Variants in CORIN observed in about 807,000 individuals in gnomAD.
The protein encoded by CORIN is corin, serine peptidase.
In CORIN, 117 loss-of-function variants were observed where a neutral mutation model predicts 125.3. That is an observed-to-expected ratio of 0.93 (90% CI 0.80 to 1.09). The LOEUF (loss-of-function observed/expected upper bound fraction) is 1.09, where lower values mean the gene tolerates loss of function less well. CORIN is among the 50% of genes least tolerant of loss of function. The probability of loss-of-function intolerance (pLI) is 0.00; values close to 1 mark genes in which losing one functional copy is unlikely to be tolerated. For missense variants in CORIN, 1,253 were observed against 1,306.7 expected (o/e 0.96, Z 0.63); for synonymous variants, 450 against 466.4 (o/e 0.96, Z 0.45).
chr4:47,721,357 C>A (rs1000788015), intron 5 of CORIN, among the ~76,000 whole-genome samples: 2 of 152,036 alleles, frequency 1.3e-5, no homozygotes, highest in African/African-American at 4.8e-5. Context: ...GCAACCTCCA[C>A]CTCCTGGGTT....
intron 3 of CORIN, among the ~76,000 whole-genome samples, chr4:47,772,360 C>A (rs1278339745): frequency 6.6e-6 from 1 of 152,096 alleles, no homozygotes; most frequent in Non-Finnish European, 1.5e-5. Context: ...GTGAAGGTAG[C>A]GGATTTCTTT....
intron 5 of CORIN, 47 bp downstream of exon 5, chr4:47,744,355 T>G (rs1274939834): frequency 4.6e-6 from 7 of 1,522,630 alleles, no homozygotes; most frequent in Non-Finnish European, 6.3e-6. Context: ...ATAAATGGCA[T>G]ACTCAAATAA....
At chr4:47,667,566 G>A (rs1724536518) in intron 10 of CORIN, among the ~76,000 whole-genome samples, 1 of 152,074 alleles carries the variant, frequency 6.6e-6, no homozygotes, top group African/African-American at 2.4e-5. Flanking sequence ...ATAAGGACTG[G>A]GCTGAAATAT....
At chr4:47,652,698 T>C (rs1010013836) in intron 13 of CORIN, 5 of 152,158 alleles carry the variant, frequency 3.3e-5, no homozygotes, top group African/African-American at 9.7e-5. Flanking sequence ...TGGAACTCAA[T>C]GGCAGAAATG....
At chr4:47,607,783 GT>G (rs1330306089) in intron 19 of CORIN, among the ~76,000 whole-genome samples, 3 of 152,038 alleles carry the variant, frequency 2.0e-5, no homozygotes, top group African/African-American at 4.8e-5. Context: ...TTTAGTATCA[GT>G]TCTAAAGTAC....
intron 5 of CORIN, among the ~76,000 whole-genome samples, chr4:47,735,421 T>C (rs1425799297): frequency 1.3e-5 from 2 of 152,198 alleles, no homozygotes; most frequent in East Asian, 3.8e-4. Flanking sequence ...CTAAAAAAGA[T>C]TATCTGACAA....
intron 5 of CORIN, among the ~76,000 whole-genome samples, chr4:47,702,532 C>T (rs16860617): frequency 0.016 from 2,429 of 152,120 alleles, 75 homozygotes; most frequent in African/African-American, 0.055. Context: ...TTTTCTTATT[C>T]GTTGGGCTAT....
intron 5 of CORIN, among the ~76,000 whole-genome samples, chr4:47,729,427 C>G (rs1478098719): frequency 6.6e-6 from 1 of 152,152 alleles, no homozygotes; most frequent in Non-Finnish European, 1.5e-5. Context: ...CAGTTTCTGA[C>G]AGCTGATTAA....
At chr4:47,826,502 A>T (rs568134108) in intron 1 of CORIN, among the ~76,000 whole-genome samples, 1 of 152,248 alleles carries the variant, frequency 6.6e-6, no homozygotes, top group Non-Finnish European at 1.5e-5. Context: ...TTTTCAGCTT[A>T]TAGTGGCTGT....
chr4:47,725,889 C>T (rs1475979609), intron 5 of CORIN, among the ~76,000 whole-genome samples: 1 of 151,880 alleles, frequency 6.6e-6, no homozygotes, highest in Non-Finnish European at 1.5e-5. Flanking sequence ...ACTCTCAAAA[C>T]CCAACAGTAA....
intron 15 of CORIN, chr4:47,642,904 C>G: frequency 6.7e-7 from 1 of 1,497,210 alleles, no homozygotes; most frequent in Non-Finnish European, 8.8e-7. Context: ...ATGATTACAA[C>G]ATTTTGAACC....
intron 3 of CORIN, among the ~76,000 whole-genome samples, chr4:47,782,577 C>A (rs955213534): frequency 1.3e-5 from 2 of 152,052 alleles, no homozygotes. Flanking sequence ...CGTTTTCACA[C>A]AAAAACTTGC....
intron 8 of CORIN, among the ~76,000 whole-genome samples, chr4:47,678,474 T>C (rs1725123619): frequency 6.6e-6 from 1 of 152,220 alleles, no homozygotes; most frequent in Non-Finnish European, 1.5e-5. Flanking sequence ...CAAAGTCCCA[T>C]GGCTAAGAGC....
At chr4:47,638,885 G>A (rs1006084348) in intron 16 of CORIN, among the ~76,000 whole-genome samples, 7 of 152,126 alleles carry the variant, frequency 4.6e-5, no homozygotes, top group African/African-American at 1.7e-4. Flanking sequence ...ATTCAACAAA[G>A]AACTCTAAAT....
At chr4:47,648,554 C>A (rs73238621) in intron 13 of CORIN, among the ~76,000 whole-genome samples, 286 of 152,276 alleles carry the variant, frequency 1.9e-3, no homozygotes, top group Middle Eastern at 3.4e-3. Context: ...AGTACCCCCC[C>A]ACCCCCAAAT....
In CORIN at chr4:47,807,040, CT is replaced by C. The variant is rs774656538; in HGVS notation, c.70del (p.Arg24GlufsTer28). 51 of 1,605,708 alleles carry C rather than the reference CT, an allele frequency of 3.2e-5. 1 individual carries two copies. In the African/African-American group the frequency reaches 6.5e-4, roughly 20 times the overall value. On this transcript the variant is annotated frameshift_variant, in exon 2 of 22. Coordinates refer to ENST00000273857, the MANE Select transcript of CORIN (RefSeq NM_006587.4). LOFTEE classifies it high-confidence loss of function. Reference sequence around the variant, plus strand: ...ATTGCCCATGTTATTGTCATCAGCTCTCAAGACCTAAAGTAAAAGAGGAAAA... The same window carrying C: ...ATTGCCCATGTTATTGTCATCAGCTCCAAGACCTAAAGTAAAAGAGGAAAA... Reference protein sequence around the residue: ...RRAGSPKPVLRADDNNMGNGC... With the variant: ...RRAGSPKPVLXADDNNMGNGC...
chr4:47,662,488 T>C (rs1238874055), intron 11 of CORIN, among the ~76,000 whole-genome samples: 1 of 152,188 alleles, frequency 6.6e-6, no homozygotes, highest in Non-Finnish European at 1.5e-5. Context: ...GTGCGTATTA[T>C]GTCTTTTGTC....
intron 5 of CORIN, among the ~76,000 whole-genome samples, chr4:47,733,756 C>T (rs1727994872): frequency 6.6e-6 from 1 of 152,124 alleles, no homozygotes; most frequent in Non-Finnish European, 1.5e-5. Context: ...GAACAGTTCC[C>T]ACAGCATTAT....
chr4:47,653,850 C>T (rs1039030014), intron 12 of CORIN, among the ~76,000 whole-genome samples, 190 bp from the exon 13 acceptor site: 3 of 152,166 alleles, frequency 2.0e-5, no homozygotes, highest in African/African-American at 7.2e-5. Context: ...CATTCTTGGC[C>T]TCATCCCTCT....
Sources: gnomAD v4.1 joint callset for allele counts (sites outside exome capture counted in the v4.1 genomes callset) on GRCh38, gnomAD v4.1.1 for gene constraint, MANE v1.5 for transcripts, NCBI Gene and HGNC (gene_info 2026-07-23, HGNC 2026-07-21) for gene names.